FHOD3: variants seen among roughly 807,000 people sequenced by gnomAD.
FHOD3 encodes the protein formin homology 2 domain containing 3.
FHOD3 carries 90 observed loss-of-function variants against 173.0 expected under a neutral mutation model. The observed-to-expected ratio is 0.52, with a 90% CI of 0.44 to 0.62. The LOEUF is 0.62. Among genes scored for constraint, FHOD3 ranks in the 20% least tolerant of loss-of-function variants. The pLI is 0.00. For missense variants in FHOD3, 1,945 were observed against 2,034.7 expected (o/e 0.96, Z 0.85); for synonymous variants, 828 against 823.0 (o/e 1.01, Z -0.10).
chr18:36,721,691 G>A (rs564127947), intron 19 of FHOD3, among the ~76,000 whole-genome samples: 2 of 152,242 alleles, frequency 1.3e-5, no homozygotes, highest in South Asian at 4.1e-4. Context: ...CTGGAGAGCT[G>A]AATCCATTTT....
chr18:36,494,017 T>TC (rs1460267547), intron 3 of FHOD3, among the ~76,000 whole-genome samples: 2 of 152,160 alleles, frequency 1.3e-5, no homozygotes, highest in African/African-American at 4.8e-5. Flanking sequence ...CTCCCCTACT[T>TC]CCGTTCTTGA....
chr18:36,499,135 G>C (rs2145969273), intron 3 of FHOD3, among the ~76,000 whole-genome samples: 1 of 152,102 alleles, frequency 6.6e-6, no homozygotes, highest in African/African-American at 2.4e-5. Context: ...ACAGGTTCTT[G>C]CCCTATCACC....
At chr18:36,698,692 A>G (rs2039417051) in intron 17 of FHOD3, among the ~76,000 whole-genome samples, 1 of 152,174 alleles carries the variant, frequency 6.6e-6, no homozygotes, top group South Asian at 2.1e-4. Context: ...ACATTACCCT[A>G]TTTGTAAGCT....
At chr18:36,419,915 C>A (rs984606747) in intron 3 of FHOD3, among the ~76,000 whole-genome samples, 11 of 152,246 alleles carry the variant, frequency 7.2e-5, no homozygotes, top group African/African-American at 2.7e-4. Context: ...GTCTACTGGG[C>A]AGACCTAAAG....
chr18:36,689,387 G>A (rs1289497209), intron 16 of FHOD3, among the ~76,000 whole-genome samples: 1 of 152,152 alleles, frequency 6.6e-6, no homozygotes, highest in Non-Finnish European at 1.5e-5. Flanking sequence ...ACAGCAGATG[G>A]TTTTTGAGGT....
At chr18:36,777,770 G>A (rs889535627) in intron 28 of FHOD3, 1 of 152,182 alleles carries the variant, frequency 6.6e-6, no homozygotes, top group African/African-American at 2.4e-5. Flanking sequence ...CAAACATTCA[G>A]TCTGGAGGCC....
chr18:36,499,898 T>C (rs2054939803), intron 3 of FHOD3, among the ~76,000 whole-genome samples: 1 of 152,180 alleles, frequency 6.6e-6, no homozygotes, highest in African/African-American at 2.4e-5. Flanking sequence ...GCATATTGTA[T>C]TTAGAGGTGG....
intron 5 of FHOD3, among the ~76,000 whole-genome samples, chr18:36,558,467 G>A (rs1431430207): frequency 2.0e-5 from 3 of 152,144 alleles, no homozygotes; most frequent in African/African-American, 7.2e-5. Flanking sequence ...GGCCAGAAGC[G>A]GAAGTCTTGC....
At chr18:36,583,927 G>C (rs2058941262) in intron 6 of FHOD3, among the ~76,000 whole-genome samples, 1 of 152,054 alleles carries the variant, frequency 6.6e-6, no homozygotes, top group Non-Finnish European at 1.5e-5. Context: ...CCAGGCTCAA[G>C]CAATCCTCCT....
chr18:36,531,171 G>A (rs183767709), intron 5 of FHOD3, among the ~76,000 whole-genome samples: 3 of 152,180 alleles, frequency 2.0e-5, no homozygotes, highest in African/African-American at 4.8e-5. Flanking sequence ...GACAGTGATC[G>A]AGCTGTAGAT....
chr18:36,657,062 TCA>T (rs2036475638), intron 13 of FHOD3, among the ~76,000 whole-genome samples: 1 of 152,218 alleles, frequency 6.6e-6, no homozygotes, highest in Non-Finnish European at 1.5e-5. Context: ...CATTTTGAAA[TCA>T]GTTTGCTTTC....
intron 25 of FHOD3, among the ~76,000 whole-genome samples, chr18:36,758,300 T>G (rs1388199079): frequency 6.6e-6 from 1 of 152,210 alleles, no homozygotes; most frequent in Non-Finnish European, 1.5e-5. Context: ...CCCTGTAACC[T>G]CACAGACACT....
chr18:36,461,442 T>G (rs539832909), intron 3 of FHOD3, among the ~76,000 whole-genome samples: 6 of 138,022 alleles, frequency 4.3e-5, no homozygotes, highest in Non-Finnish European at 9.1e-5. Flanking sequence ...GCTCAGTCTG[T>G]TTTTTTTTGT....
intron 2 of FHOD3, among the ~76,000 whole-genome samples, chr18:36,363,795 T>C (rs1279167078): frequency 6.6e-6 from 1 of 151,040 alleles, no homozygotes. Flanking sequence ...AAAGTAAAAC[T>C]ATGGACTTGT....
At chr18:36,560,826 G>GTTTTTTTTTTTTTTT (rs34653505) in intron 5 of FHOD3, among the ~76,000 whole-genome samples, 1 of 134,578 alleles carries the variant, frequency 7.4e-6, no homozygotes. Flanking sequence ...AAGAGCAGCT[G>GTTTTTTTTTTTTTTT]TTTTTTTTTT....
intron 1 of FHOD3, among the ~76,000 whole-genome samples, chr18:36,351,860 G>A (rs9945151): frequency 2.7e-4 from 41 of 152,236 alleles, no homozygotes; most frequent in African/African-American, 9.4e-4. Flanking sequence ...TAGCCCAGAT[G>A]GGGCTACATC....
intron 3 of FHOD3, among the ~76,000 whole-genome samples, chr18:36,489,314 G>A (rs1396556391): frequency 6.6e-6 from 1 of 152,140 alleles, no homozygotes; most frequent in East Asian, 1.9e-4. Context: ...GCCAGCTGCA[G>A]GGCAGTGACA....
At chr18:36,730,867 C>A in intron 20 of FHOD3, 63 bp downstream of exon 20, 1 of 1,479,578 alleles carries the variant, frequency 6.8e-7, no homozygotes, top group South Asian at 1.3e-5. Context: ...TAATATGCTG[C>A]ATGTCCACAT....
At chr18:36,323,029 CGCTT>C (rs2044483010) in intron 1 of FHOD3, among the ~76,000 whole-genome samples, 1 of 152,168 alleles carries the variant, frequency 6.6e-6, no homozygotes, top group African/African-American at 2.4e-5. Context: ...CCCACAGACA[CGCTT>C]GCAATCTCCC....
Sources: allele counts gnomAD v4.1 joint callset (sites outside exome capture counted in the v4.1 genomes callset), GRCh38; gene constraint gnomAD v4.1.1; transcripts MANE v1.5; gene names NCBI Gene and HGNC (gene_info 2026-07-23, HGNC 2026-07-21).